The following DGKD variants were observed in gnomAD, a reference collection of about 807,000 sequenced individuals.
DGKD encodes the protein diacylglycerol kinase delta, also known as DAG kinase delta.
In DGKD, 68 loss-of-function variants were observed where a neutral mutation model predicts 154.4. The observed-to-expected ratio is 0.44, with a 90% CI of 0.36 to 0.54. The LOEUF (loss-of-function observed/expected upper bound fraction) is 0.54. DGKD is among the 20% of genes least tolerant of loss of function. DGKD has a pLI of 0.00. For missense variants in DGKD, 1,343 were observed against 1,593.6 expected (o/e 0.84, Z 2.68); for synonymous variants, 693 against 638.0 (o/e 1.09, Z -1.30).
chr2:233,438,697 C>T lies in DGKD; in HGVS notation c.1085+318C>T, dbSNP rs2062780680. ...AATGCCTTCTGTATGTGTCTGCATACAACGTTGTGGGTGTATTTTCTTTCA... is the reference window on the plus strand; with the variant it reads ...AATGCCTTCTGTATGTGTCTGCATATAACGTTGTGGGTGTATTTTCTTTCA... On this transcript the variant is annotated intron_variant, in intron 9 of 29. Coordinates refer to ENST00000264057, the MANE Select transcript of DGKD (RefSeq NM_152879.3). This position sits in a 1 kb window ranked among gnomAD's most constrained non-coding sequence, Gnocchi z 4.1. Among the ~76,000 whole-genome samples, 1 of 152,102 alleles carries T rather than the reference C, an allele frequency of 6.6e-6. No individual in the cohort carries two copies. Among genetic ancestry groups the T allele is most frequent in the Non-Finnish European group, 1.5e-5 (1 of 68,038 alleles).
At chr2:233,385,909 C>T (rs942677295) in intron 1 of DGKD, 2 of 364,594 alleles carry the variant, frequency 5.5e-6, no homozygotes, top group East Asian at 1.0e-4. Flanking sequence ...TTTCTGAGCA[C>T]TCTTGTTATA....
intron 1 of DGKD, among the ~76,000 whole-genome samples, chr2:233,373,936 G>A (rs1702446284): frequency 1.3e-5 from 2 of 151,742 alleles, no homozygotes; most frequent in African/African-American, 4.8e-5. Flanking sequence ...AGCAGATCTA[G>A]TTGCAGTATA....
intron 1 of DGKD, among the ~76,000 whole-genome samples, chr2:233,374,329 G>A (rs1702465699): frequency 6.7e-6 from 1 of 150,108 alleles, no homozygotes; most frequent in Non-Finnish European, 1.5e-5. Context: ...GGGATTACAG[G>A]CGTGAGCCAC....
At chr2:233,424,307 G>A (rs1257474290) in intron 3 of DGKD, among the ~76,000 whole-genome samples, 1 of 152,184 alleles carries the variant, frequency 6.6e-6, no homozygotes, top group African/African-American at 2.4e-5. Context: ...GAAATGGTTG[G>A]ACAGGACATA....
chr2:233,462,798 G>A, intron 26 of DGKD, 63 bp downstream of exon 26: 1 of 1,433,432 alleles, frequency 7.0e-7, no homozygotes, highest in Admixed American at 1.7e-5. Flanking sequence ...CTGTCGCCAG[G>A]TTGCTGGGCA....
At chr2:233,378,065 C>T (rs1385588598) in intron 1 of DGKD, among the ~76,000 whole-genome samples, 1 of 151,848 alleles carries the variant, frequency 6.6e-6, no homozygotes, top group African/African-American at 2.4e-5. Flanking sequence ...CCTCAGCCTC[C>T]CAAGTAGCTT....
In DGKD at chr2:233,458,493, T is replaced by G. The variant is rs2063527666; in HGVS notation, c.2694+96T>G. 4.4e-6 allele frequency: 4 copies of G among 902,664 alleles called. No homozygotes were observed. Among genetic ancestry groups the G allele is most frequent in the Non-Finnish European group, 6.9e-6 (4 of 582,868 alleles). The allele number at this position is 902,664 out of a possible 1,614,324, so 55.9% of individuals were successfully genotyped here. A position where few individuals can be genotyped will look rare whatever the true frequency, so the allele number is the denominator to read the frequency against. On this transcript the variant is annotated intron_variant, in intron 22 of 29. Transcript: ENST00000264057. This position sits in a 1 kb window ranked among gnomAD's most constrained non-coding sequence, Gnocchi z 6.6. ...ATGGAGCCTGGGAGGGTGGGCGCTT[T>G]CCAGGGCCATGTGGCTGCCTCATGT...
At chr2:233,389,569 CA>C (rs1181436143) in intron 2 of DGKD, among the ~76,000 whole-genome samples, 1 of 121,548 alleles carries the variant, frequency 8.2e-6, no homozygotes, top group African/African-American at 4.4e-5. Flanking sequence ...CCACTTCCCT[CA>C]ATTAAAAAAA....
rs1194237989 is a variant in DGKD, at chr2:233,394,709, TTTTTTTTTTTTTTTTA to T, written c.348+4227_348+4242del. ...TAATTCCCTTTTTTTTTTTTTTTTT[TTTTTTTTTTTTTTTTA>T]GAGATAGGCTCTTGCTGTGTTGCTC... is the stretch of plus-strand genomic sequence containing the variant. On this transcript the variant is annotated intron_variant, in intron 3 of 29. Transcript: ENST00000264057. Among the ~76,000 whole-genome samples, 185 of 99,896 alleles carry T rather than the reference TTTTTTTTTTTTTTTTA, an allele frequency of 1.9e-3. 1 individual carries two copies. Among genetic ancestry groups the T allele is most frequent in the African/African-American group, 7.9e-3 (177 of 22,356 alleles). 65.5% of individuals were successfully genotyped at this position (99,896 alleles called of 152,430 possible). A position where few individuals can be genotyped will look rare whatever the true frequency, so the allele number is the denominator to read the frequency against.
chr2:233,390,741 G>T (rs1476188183), intron 3 of DGKD, among the ~76,000 whole-genome samples: 2 of 151,840 alleles, frequency 1.3e-5, no homozygotes, highest in Non-Finnish European at 2.9e-5. Flanking sequence ...CGTCTGTTTT[G>T]TTTTTTTTGA....
At chr2:233,423,926 C>A (rs1359386500) in intron 3 of DGKD, among the ~76,000 whole-genome samples, 2 of 152,146 alleles carry the variant, frequency 1.3e-5, no homozygotes, top group African/African-American at 4.8e-5. Context: ...TTGGACAAGA[C>A]CCTTGTCAGG....
At chr2:233,428,867 G>T (rs1441114623) in intron 3 of DGKD, among the ~76,000 whole-genome samples, 1 of 145,426 alleles carries the variant, frequency 6.9e-6, no homozygotes, top group East Asian at 2.0e-4. Context: ...CAAATAAGAG[G>T]TTTTTTTTTG....
At chr2:233,402,854 G>A (rs1212841449) in intron 3 of DGKD, among the ~76,000 whole-genome samples, 2 of 152,150 alleles carry the variant, frequency 1.3e-5, no homozygotes, top group Admixed American at 6.5e-5. Context: ...CCTGTATCAC[G>A]GCAAACTGTC....
intron 24 of DGKD, among the ~76,000 whole-genome samples, chr2:233,461,200 G>A (rs543934231): frequency 2.6e-5 from 4 of 152,318 alleles, no homozygotes; most frequent in South Asian, 2.1e-4. Context: ...GTGCTGCTCC[G>A]CCGGTGCGGG....
intron 3 of DGKD, among the ~76,000 whole-genome samples, chr2:233,406,367 T>A (rs1311572421): frequency 6.6e-6 from 1 of 152,198 alleles, no homozygotes; most frequent in African/African-American, 2.4e-5. Flanking sequence ...GCCCTATAGC[T>A]ACAAATAAGA....
intron 6 of DGKD, 68 bp downstream of exon 6, chr2:233,435,992 C>T: frequency 7.0e-7 from 1 of 1,437,448 alleles, no homozygotes; most frequent in Non-Finnish European, 9.5e-7. Context: ...CCCATGCAAG[C>T]CTCCTCCCTG....
chr2:233,447,874 C>A (rs2063138187), intron 12 of DGKD: 2 of 1,392,052 alleles, frequency 1.4e-6, no homozygotes, highest in African/African-American at 1.5e-5. Context: ...TGCAGCTTGA[C>A]GAAGCTTTTA....
At chr2:233,391,501 C>A (rs1052307445) in intron 3 of DGKD, among the ~76,000 whole-genome samples, 2 of 151,936 alleles carry the variant, frequency 1.3e-5, no homozygotes, top group African/African-American at 4.8e-5. Context: ...GTAGCATTTT[C>A]TTGTAGGATT....
In DGKD at chr2:233,452,520, G is replaced by C. The variant is rs1031328338; in HGVS notation, c.2264+460G>C. ...TCCTTGTTGGTGATGCAGAACCACA[G>C]ACTCTGAGCTGGAGGGTCCTCTGTG... On this transcript the variant is annotated intron_variant, in intron 18 of 29. Coordinates refer to ENST00000264057, the MANE Select transcript of DGKD (RefSeq NM_152879.3). This position sits in a 1 kb window ranked among gnomAD's most constrained non-coding sequence, Gnocchi z 4.0. Among the ~76,000 whole-genome samples, 3 of 152,106 alleles carry C rather than the reference G, an allele frequency of 2.0e-5. No homozygotes were observed. The highest frequency in any genetic ancestry group is 4.4e-5 in the Non-Finnish European group (3 of 68,026).
Sources: allele counts gnomAD v4.1 joint callset (sites outside exome capture counted in the v4.1 genomes callset), GRCh38; gene constraint gnomAD v4.1.1; non-coding constraint Gnocchi (gnomAD v3.1); transcripts MANE v1.5; gene names NCBI Gene and HGNC (gene_info 2026-07-23, HGNC 2026-07-21).